Variants in TBC1D32 observed in about 807,000 individuals in gnomAD.
The protein encoded by TBC1D32 is TBC1 domain family member 32.
In TBC1D32, 151 loss-of-function variants were observed where a neutral mutation model predicts 170.3. The observed-to-expected ratio is 0.89, with a 90% CI of 0.78 to 1.01. TBC1D32 has a LOEUF of 1.01. TBC1D32 is among the 50% of genes least tolerant of loss of function. The pLI is 0.00. For synonymous variants in TBC1D32, 498 were observed against 488.0 expected, an observed-to-expected ratio of 1.02 and a Z score of -0.27; for missense variants, 1,464 against 1,457.1, an observed-to-expected ratio of 1.00 and a Z score of -0.08.
intron 22 of TBC1D32, among the ~76,000 whole-genome samples, chr6:121,178,883 T>C (rs1428804194): frequency 6.6e-6 from 1 of 152,146 alleles, no homozygotes; most frequent in Non-Finnish European, 1.5e-5. Context: ...GCCAACAACC[T>C]GTGTGAGTTA....
At chr6:121,301,937 C>G (rs7755286) in intron 9 of TBC1D32, among the ~76,000 whole-genome samples, 150,391 of 152,208 alleles carry the variant, frequency 0.99, 74,336 homozygotes, top group Non-Finnish European at 1. Flanking sequence ...GCCGGGAATA[C>G]AATTTTTAAT....
chr6:121,321,495 T>C lies in TBC1D32; in HGVS notation c.317+138A>G, dbSNP rs1340512143. 5.0e-6 allele frequency: 4 copies of C among 796,048 alleles called. No homozygotes were observed. The East Asian group carries it at 1.1e-4, about 21-fold the overall frequency. The allele number at this position is 796,048 out of a possible 1,614,324, so 49.3% of individuals were successfully genotyped here. A position where few individuals can be genotyped will look rare whatever the true frequency, so the allele number is the denominator to read the frequency against. On this transcript the variant is annotated intron_variant, in intron 2 of 31. Coordinates refer to ENST00000398212, the MANE Select transcript of TBC1D32 (RefSeq NM_152730.6). ...TTTGGAGAGTCTGGGTGAAAGGGTGTCATGATCTGACTCATTGTTTTAAAG... is the reference window on the plus strand; with the variant it reads ...TTTGGAGAGTCTGGGTGAAAGGGTGCCATGATCTGACTCATTGTTTTAAAG...
intron 17 of TBC1D32, among the ~76,000 whole-genome samples, chr6:121,250,236 T>C (rs1418006545): frequency 2.6e-5 from 4 of 152,130 alleles, no homozygotes; most frequent in African/African-American, 9.7e-5. Flanking sequence ...ACTCATTTTA[T>C]GAGGCCAGCA....
intron 24 of TBC1D32, 37 bp from the exon 25 acceptor site, chr6:121,131,789 T>C: frequency 6.7e-7 from 1 of 1,495,798 alleles, no homozygotes; most frequent in Non-Finnish European, 9.1e-7. Context: ...TAATAAGACA[T>C]GCTAGATATA....
At chr6:121,332,464 G>A (rs1225537823) in intron 1 of TBC1D32, among the ~76,000 whole-genome samples, 1 of 152,066 alleles carries the variant, frequency 6.6e-6, no homozygotes, top group Non-Finnish European at 1.5e-5. Context: ...AAGGGAACAT[G>A]ACTACAGATA....
In TBC1D32 at chr6:121,225,784, C is replaced by A. The variant is rs181153458; in HGVS notation, c.2365-2432G>T. Among the ~76,000 whole-genome samples, 3 of 152,104 alleles carry A rather than the reference C, an allele frequency of 2.0e-5. No homozygotes were observed. In the East Asian group the frequency reaches 5.8e-4, roughly 29 times the overall value. Reference sequence around the variant, plus strand: ...ATACATTCATTTCTCACACATCGGGCATTTTAAAAGATGTTAGCTTAGTGC... The same window carrying A: ...ATACATTCATTTCTCACACATCGGGAATTTTAAAAGATGTTAGCTTAGTGC... On this transcript the variant is annotated intron_variant, in intron 20 of 31. Coordinates refer to ENST00000398212, the MANE Select transcript of TBC1D32 (RefSeq NM_152730.6).
chr6:121,315,836 A>T (rs1808861650), intron 3 of TBC1D32, among the ~76,000 whole-genome samples: 1 of 152,138 alleles, frequency 6.6e-6, no homozygotes, highest in Non-Finnish European at 1.5e-5. Context: ...AATATCTCCT[A>T]GAACTTGGAC....
intron 1 of TBC1D32, among the ~76,000 whole-genome samples, chr6:121,333,387 G>A (rs1262123394): frequency 1.3e-5 from 2 of 152,014 alleles, no homozygotes; most frequent in Non-Finnish European, 2.9e-5. Flanking sequence ...TTTTCCTACT[G>A]CTCCCACACG....
At chr6:121,180,055 T>G (rs1309070781) in intron 22 of TBC1D32, among the ~76,000 whole-genome samples, 2 of 152,112 alleles carry the variant, frequency 1.3e-5, no homozygotes, top group Admixed American at 1.3e-4. Flanking sequence ...GACTTCTACA[T>G]AGAAAACTAC....
intron 15 of TBC1D32, among the ~76,000 whole-genome samples, chr6:121,269,455 TG>T (rs140619495): frequency 0.66 from 100,262 of 151,656 alleles, 38,130 homozygotes; most frequent in Non-Finnish European, 0.85. Context: ...AAGCAGGGGT[TG>T]CAATCCTAGT....
chr6:121,105,078 T>C (rs1025399259), intron 30 of TBC1D32, among the ~76,000 whole-genome samples: 2 of 151,884 alleles, frequency 1.3e-5, no homozygotes, highest in Non-Finnish European at 2.9e-5. Context: ...CAGTTGTTGC[T>C]ACTTTAAAAT....
rs184944597 is a variant in TBC1D32 at position 121,160,348 on chromosome 6, A to G, written c.2680-245T>C. 2.0e-4 allele frequency among the ~76,000 whole-genome samples: 30 copies of G among 150,994 alleles called. No individual in the cohort carries two copies. In the Admixed American group the frequency reaches 2.0e-3, roughly 10 times the overall value. ...GGACAAACATATGGTAACTTGTAGTAAGCAGAATTGATAATGATAAATTTA... is the reference window on the plus strand; with the variant it reads ...GGACAAACATATGGTAACTTGTAGTGAGCAGAATTGATAATGATAAATTTA... On this transcript the variant is annotated intron_variant, in intron 23 of 31. Transcript: ENST00000398212.
chr6:121,236,922 A>G (rs1796403399), intron 20 of TBC1D32: 1 of 152,042 alleles, frequency 6.6e-6, no homozygotes, highest in Non-Finnish European at 1.5e-5. Flanking sequence ...AATCATATGT[A>G]TTTAAAATAA....
At chr6:121,290,568 C>T (rs2128461375) in intron 12 of TBC1D32, among the ~76,000 whole-genome samples, 1 of 152,250 alleles carries the variant, frequency 6.6e-6, no homozygotes, top group East Asian at 1.9e-4. Context: ...TGAACTAGTT[C>T]AACCATTGTG....
At chr6:121,258,192 T>C (rs934956366) in intron 15 of TBC1D32, among the ~76,000 whole-genome samples, 2 of 152,202 alleles carry the variant, frequency 1.3e-5, no homozygotes, top group Admixed American at 6.5e-5. Context: ...GTTATAATTA[T>C]GTATAATAAT....
intron 27 of TBC1D32, among the ~76,000 whole-genome samples, chr6:121,114,666 T>C (rs1779518331): frequency 6.6e-6 from 1 of 152,192 alleles, no homozygotes; most frequent in Non-Finnish European, 1.5e-5. Flanking sequence ...AAAATCCCCA[T>C]TTAATAAGCA....
chr6:121,086,213 A>G (rs1776260610), intron 31 of TBC1D32, among the ~76,000 whole-genome samples: 1 of 152,112 alleles, frequency 6.6e-6, no homozygotes, highest in Non-Finnish European at 1.5e-5. Flanking sequence ...ATCTCATTTA[A>G]TTCTTCAACA....
At chr6:121,313,114 GTGTGT>G (rs1421294746) in intron 3 of TBC1D32, among the ~76,000 whole-genome samples, 2 of 17,318 alleles carry the variant, frequency 1.2e-4, no homozygotes, top group Non-Finnish European at 2.4e-4. Flanking sequence ...TGGTGTGTGT[GTGTGT>G]GTGTGTGTGT....
chr6:121,301,385 C>T (rs546276820), intron 9 of TBC1D32, among the ~76,000 whole-genome samples: 157 of 152,190 alleles, frequency 1.0e-3, no homozygotes, highest in Admixed American at 1.6e-3. Context: ...ATGTCCTTTG[C>T]AGGGACACGG....
Sources: gnomAD v4.1 joint callset for allele counts (sites outside exome capture counted in the v4.1 genomes callset) on GRCh38, gnomAD v4.1.1 for gene constraint, MANE v1.5 for transcripts, NCBI Gene and HGNC (gene_info 2026-07-23, HGNC 2026-07-21) for gene names.